The following EXOC4 variants were observed in gnomAD, a reference collection of about 807,000 sequenced individuals.
EXOC4 encodes the protein exocyst complex component 4.
Under a neutral mutation model 107.2 loss-of-function variants are expected in EXOC4, and 71 were observed. The observed-to-expected ratio is 0.66, with a 90% CI of 0.55 to 0.81. The LOEUF is 0.81. Among genes scored for constraint, EXOC4 ranks in the 30% least tolerant of loss-of-function variants. The pLI is 0.00. For missense variants in EXOC4, 1,108 were observed against 1,189.6 expected, an observed-to-expected ratio of 0.93 and a Z score of 1.01; for synonymous variants, 456 against 441.2, an observed-to-expected ratio of 1.03 and a Z score of -0.42.
intron 14 of EXOC4, among the ~76,000 whole-genome samples, chr7:133,956,552 C>T (rs1246591611): frequency 6.6e-6 from 1 of 152,150 alleles, no homozygotes; most frequent in Non-Finnish European, 1.5e-5. Context: ...CCTCAAGTAG[C>T]TGTGCTCAGC....
At chr7:133,996,961 C>T (rs556134979) in intron 14 of EXOC4, among the ~76,000 whole-genome samples, 1 of 152,242 alleles carries the variant, frequency 6.6e-6, no homozygotes, top group South Asian at 2.1e-4. Flanking sequence ...TGAAGGATTA[C>T]AAAGTTAGGT....
At chr7:133,321,767 T>C (rs1188519582) in intron 5 of EXOC4, among the ~76,000 whole-genome samples, 1 of 152,214 alleles carries the variant, frequency 6.6e-6, no homozygotes, top group African/African-American at 2.4e-5. Context: ...TCAAACGGTA[T>C]TTTTGGTTCC....
chr7:133,877,552 C>G (rs1798875283), intron 11 of EXOC4, among the ~76,000 whole-genome samples: 1 of 152,154 alleles, frequency 6.6e-6, no homozygotes, highest in Non-Finnish European at 1.5e-5. Context: ...TGAACACTAC[C>G]TGACACCCTA....
intron 10 of EXOC4, among the ~76,000 whole-genome samples, chr7:133,661,689 CAAAAAAA>C (rs869078453): frequency 4.2e-5 from 1 of 23,620 alleles, no homozygotes; most frequent in Non-Finnish European, 7.9e-5. Context: ...AAAAAAAAAA[CAAAAAAA>C]AAAAAAACAA....
intron 7 of EXOC4, among the ~76,000 whole-genome samples, chr7:133,413,559 T>A (rs1213042019): frequency 6.6e-6 from 1 of 152,194 alleles, no homozygotes; most frequent in African/African-American, 2.4e-5. Flanking sequence ...CTTGCTACTT[T>A]GGATGGCTCA....
chr7:133,586,289 C>T lies in EXOC4; in HGVS notation c.1418-43756C>T, dbSNP rs576036869. ...TGTCTGTTGTTCCCTTCCTTGTCTCCATGTGTGCTTAGTGTTTAGCTCCCA... is the reference window on the plus strand; with the variant it reads ...TGTCTGTTGTTCCCTTCCTTGTCTCTATGTGTGCTTAGTGTTTAGCTCCCA... On this transcript the variant is annotated intron_variant, in intron 9 of 17. Transcript: ENST00000253861. Among the ~76,000 whole-genome samples, 103 of 152,066 alleles carry T rather than the reference C, an allele frequency of 6.8e-4. 1 individual carries two copies. The highest frequency in any genetic ancestry group is 1.2e-3 in the Non-Finnish European group (79 of 68,014).
chr7:133,429,789 CT>C (rs1797812745), intron 7 of EXOC4, among the ~76,000 whole-genome samples: 1 of 152,194 alleles, frequency 6.6e-6, no homozygotes, highest in African/African-American at 2.4e-5. Context: ...TACCTAATTT[CT>C]TTTTATTGCT....
In EXOC4 at chr7:133,324,905, G is replaced by A. The variant is rs569347946; in HGVS notation, c.763+7515G>A. Among the ~76,000 whole-genome samples, 6 of 152,268 alleles carry A rather than the reference G, an allele frequency of 3.9e-5. No individual in the cohort carries two copies. The South Asian group carries it at 1.2e-3, about 32-fold the overall frequency. On this transcript the variant is annotated intron_variant, in intron 5 of 17. Transcript: ENST00000253861. ...GAATCTGGGTGCTCCTGTATTGGGT[G>A]GATATATGTTTAGGATAGTTAGCTC...
At chr7:133,378,511 G>A (rs961001155) in intron 7 of EXOC4, among the ~76,000 whole-genome samples, 1 of 151,912 alleles carries the variant, frequency 6.6e-6, no homozygotes, top group Non-Finnish European at 1.5e-5. Flanking sequence ...CATAGTGTAT[G>A]TGGGTTTTAT....
At chr7:134,064,235 C>T (rs917193013) in intron 17 of EXOC4, 56 bp from the exon 18 acceptor site, 25 of 1,233,392 alleles carry the variant, frequency 2.0e-5, no homozygotes, top group Admixed American at 1.9e-4. Flanking sequence ...TTTGTCCCCT[C>T]GAGACGACGT....
intron 5 of EXOC4, among the ~76,000 whole-genome samples, chr7:133,331,298 T>A (rs914932156): frequency 6.6e-6 from 1 of 152,066 alleles, no homozygotes; most frequent in South Asian, 2.1e-4. Flanking sequence ...TGATGGAGAT[T>A]AAGTATCTAG....
At chr7:133,575,563 A>G (rs901553944) in intron 9 of EXOC4, among the ~76,000 whole-genome samples, 3 of 152,310 alleles carry the variant, frequency 2.0e-5, no homozygotes, top group Non-Finnish European at 4.4e-5. Context: ...TAATGGGACA[A>G]TTCTAGAGAG....
chr7:134,022,562 A>T (rs1455502020), intron 17 of EXOC4, among the ~76,000 whole-genome samples: 2 of 147,360 alleles, frequency 1.4e-5, no homozygotes, highest in African/African-American at 2.5e-5. Flanking sequence ...TTTTCAAATT[A>T]AAAAAAAAAA....
At chr7:133,532,510 G>T (rs1173430059) in intron 9 of EXOC4, among the ~76,000 whole-genome samples, 2 of 151,982 alleles carry the variant, frequency 1.3e-5, no homozygotes, top group Non-Finnish European at 2.9e-5. Context: ...TATATATGGA[G>T]CTATGGTCAT....
chr7:133,333,605 G>A (rs1795443522), intron 5 of EXOC4, among the ~76,000 whole-genome samples: 1 of 152,188 alleles, frequency 6.6e-6, no homozygotes, highest in African/African-American at 2.4e-5. Context: ...CCATACACAT[G>A]TATAGACAGA....
intron 13 of EXOC4, among the ~76,000 whole-genome samples, chr7:133,929,775 T>A (rs898202245): frequency 2.0e-5 from 3 of 152,078 alleles, no homozygotes; most frequent in African/African-American, 7.2e-5. Flanking sequence ...TTTGCGTCAA[T>A]GTGTATCTCA....
chr7:133,703,216 C>T (rs993549196), intron 10 of EXOC4, among the ~76,000 whole-genome samples: 1 of 152,150 alleles, frequency 6.6e-6, no homozygotes, highest in Non-Finnish European at 1.5e-5. Context: ...TCACAGTGTT[C>T]TAGGTGTTGG....
intron 10 of EXOC4, among the ~76,000 whole-genome samples, chr7:133,680,506 A>G (rs11766617): frequency 0.41 from 61,638 of 152,104 alleles, 12,828 homozygotes; most frequent in South Asian, 0.52. Flanking sequence ...TAAAATGGAT[A>G]TAAACCAATT....
chr7:133,773,387 G>C (rs1269161326), intron 10 of EXOC4, among the ~76,000 whole-genome samples: 1 of 151,862 alleles, frequency 6.6e-6, no homozygotes, highest in East Asian at 1.9e-4. Flanking sequence ...ATGCCCTTCT[G>C]TCAATTCCCC....
Sources: allele counts gnomAD v4.1 joint callset (sites outside exome capture counted in the v4.1 genomes callset), GRCh38; gene constraint gnomAD v4.1.1; transcripts MANE v1.5; gene names NCBI Gene and HGNC (gene_info 2026-07-23, HGNC 2026-07-21).